Variants in LRMDA observed in about 807,000 individuals in gnomAD.
LRMDA encodes the protein leucine-rich melanocyte differentiation-associated protein.
LRMDA carries 18 observed loss-of-function variants against 29.8 expected under a neutral mutation model. The ratio of observed to expected loss-of-function variants is 0.60; its 90% confidence interval spans 0.42 to 0.90. LRMDA has a LOEUF of 0.90. Ranked by LOEUF, LRMDA falls within the 40% of genes least tolerant of loss-of-function variation. The pLI is 0.00. For synonymous variants in LRMDA, 125 were observed against 109.4 expected, an observed-to-expected ratio of 1.14 and a Z score of -0.89; for missense variants, 273 against 273.9, an observed-to-expected ratio of 1.00 and a Z score of 0.02.
intron 2 of LRMDA, among the ~76,000 whole-genome samples, chr10:75,917,254 C>T (rs1321522733): frequency 2.6e-5 from 4 of 152,190 alleles, no homozygotes; most frequent in Non-Finnish European, 5.9e-5. Context: ...GTGGCCTCTC[C>T]TCTGTCTCCA....
At chr10:75,570,437 T>G (rs1840424880) in intron 2 of LRMDA, among the ~76,000 whole-genome samples, 1 of 152,204 alleles carries the variant, frequency 6.6e-6, no homozygotes. Flanking sequence ...TTCTTTTTCT[T>G]GGGGTGCTTT....
intron 5 of LRMDA, among the ~76,000 whole-genome samples, chr10:76,218,322 G>A (rs747210491): frequency 5.3e-5 from 8 of 152,194 alleles, no homozygotes; most frequent in Non-Finnish European, 7.3e-5. Context: ...AAGCCACCTC[G>A]GGCAGTGCAG....
At chr10:75,770,899 A>C (rs1313577963) in intron 2 of LRMDA, among the ~76,000 whole-genome samples, 2 of 152,194 alleles carry the variant, frequency 1.3e-5, no homozygotes, top group East Asian at 3.8e-4. Flanking sequence ...AGAGGGAGAT[A>C]GCTGTGAGTA....
At chr10:75,947,982 T>G (rs1846505976) in intron 2 of LRMDA, among the ~76,000 whole-genome samples, 1 of 152,242 alleles carries the variant, frequency 6.6e-6, no homozygotes, top group Non-Finnish European at 1.5e-5. Flanking sequence ...GGACCCCCAC[T>G]ATTACTTCTT....
intron 2 of LRMDA, among the ~76,000 whole-genome samples, chr10:75,837,657 G>T (rs948064267): frequency 6.6e-6 from 1 of 151,964 alleles, no homozygotes; most frequent in Admixed American, 6.6e-5. Flanking sequence ...TGAAGTGATG[G>T]ATACCCCGTC....
intron 2 of LRMDA, among the ~76,000 whole-genome samples, chr10:75,952,683 G>A (rs141008754): frequency 2.6e-5 from 4 of 152,270 alleles, no homozygotes; most frequent in East Asian, 1.9e-4. Flanking sequence ...TAGGACAAAC[G>A]GGTTGGGAAG....
chr10:76,554,620 C>G (rs967153162), intron 6 of LRMDA, among the ~76,000 whole-genome samples: 8 of 152,090 alleles, frequency 5.3e-5, no homozygotes, highest in Non-Finnish European at 4.4e-5. Flanking sequence ...CCCAAAGAAA[C>G]AGGGTAGGCC....
intron 2 of LRMDA, among the ~76,000 whole-genome samples, chr10:75,633,163 T>C (rs1396111532): frequency 6.6e-6 from 1 of 152,224 alleles, no homozygotes; most frequent in Non-Finnish European, 1.5e-5. Flanking sequence ...TCACAGCCTT[T>C]GTGCGCACAT....
chr10:76,168,619 A>G (rs1850781944), intron 5 of LRMDA, among the ~76,000 whole-genome samples: 1 of 152,194 alleles, frequency 6.6e-6, no homozygotes, highest in Non-Finnish European at 1.5e-5. Flanking sequence ...TAGCAAAAAA[A>G]GGAAAGGAAA....
At chr10:75,523,847 C>T (rs940045784) in intron 2 of LRMDA, among the ~76,000 whole-genome samples, 2 of 152,092 alleles carry the variant, frequency 1.3e-5, no homozygotes, top group Non-Finnish European at 2.9e-5. Flanking sequence ...CACCATTCCC[C>T]TCAGTGTCTG....
At chr10:76,013,652 A>G (rs1847824606) in intron 2 of LRMDA, among the ~76,000 whole-genome samples, 1 of 152,092 alleles carries the variant, frequency 6.6e-6, no homozygotes, top group Admixed American at 6.6e-5. Context: ...TTACAAGTCC[A>G]GTAGGGCAGG....
intron 6 of LRMDA, among the ~76,000 whole-genome samples, chr10:76,512,144 A>G (rs1244701177): frequency 6.6e-6 from 1 of 152,136 alleles, no homozygotes; most frequent in Non-Finnish European, 1.5e-5. Flanking sequence ...CTGCTTTTGC[A>G]TCTTCCTCAT....
intron 2 of LRMDA, among the ~76,000 whole-genome samples, chr10:75,953,839 TGATGA>T (rs1448761659): frequency 6.6e-6 from 1 of 152,138 alleles, no homozygotes; most frequent in Non-Finnish European, 1.5e-5. Context: ...CTCTGTAATG[TGATGA>T]GATATCACTG....
intron 6 of LRMDA, among the ~76,000 whole-genome samples, chr10:76,343,002 C>G (rs1254142750): frequency 6.6e-6 from 1 of 151,966 alleles, no homozygotes; most frequent in Non-Finnish European, 1.5e-5. Context: ...AAACCCTGAT[C>G]TGTACTGTTT....
chr10:76,250,205 A>G (rs1483799748), intron 5 of LRMDA, among the ~76,000 whole-genome samples: 1 of 152,192 alleles, frequency 6.6e-6, no homozygotes, highest in Admixed American at 6.5e-5. Context: ...GGGAAGGTGC[A>G]CTGATTCCCA....
chr10:76,418,771 GGCA>G (rs1842044431), intron 6 of LRMDA, among the ~76,000 whole-genome samples: 1 of 151,848 alleles, frequency 6.6e-6, no homozygotes, highest in Non-Finnish European at 1.5e-5. Flanking sequence ...AATTAGAAAA[GGCA>G]TCTTTTCTTT....
At chr10:75,653,805 T>A (rs1468623862) in intron 2 of LRMDA, among the ~76,000 whole-genome samples, 1 of 152,232 alleles carries the variant, frequency 6.6e-6, no homozygotes, top group Non-Finnish European at 1.5e-5. Context: ...TTGAGCCCAA[T>A]AACCTGTGTT....
intron 2 of LRMDA, among the ~76,000 whole-genome samples, chr10:75,597,851 G>A (rs574337137): frequency 6.6e-6 from 1 of 152,270 alleles, no homozygotes; most frequent in South Asian, 2.1e-4. Flanking sequence ...TGTTGTGACA[G>A]GTAGATTTAT....
chr10:76,530,951 T>G (rs1176144448), intron 6 of LRMDA, among the ~76,000 whole-genome samples: 1 of 152,192 alleles, frequency 6.6e-6, no homozygotes, highest in Non-Finnish European at 1.5e-5. Flanking sequence ...ATGTAGAAGA[T>G]AATTCTATGA....
Sources: gnomAD v4.1 joint callset for allele counts (sites outside exome capture counted in the v4.1 genomes callset) on GRCh38, gnomAD v4.1.1 for gene constraint, MANE v1.5 for transcripts, NCBI Gene and HGNC (gene_info 2026-07-23, HGNC 2026-07-21) for gene names.